The following FREM1 variants were observed in gnomAD, a reference collection of about 807,000 sequenced individuals.
FREM1 encodes the protein FRAS1 related extracellular matrix 1.
A neutral mutation model predicts 210.1 loss-of-function variants in FREM1; 220 were observed. That is an observed-to-expected ratio of 1.05 (90% CI 0.94 to 1.17). The LOEUF (loss-of-function observed/expected upper bound fraction) is 1.17, where lower values mean the gene tolerates loss of function less well. Among genes scored for constraint, FREM1 ranks in the 50% most tolerant of loss-of-function variants. The pLI, the probability that FREM1 is intolerant of heterozygous loss-of-function variation, is 0.00. For missense variants in FREM1, 3,454 were observed against 2,675.5 expected, an observed-to-expected ratio of 1.29 and a Z score of -6.42; for synonymous variants, 1,189 against 980.2, an observed-to-expected ratio of 1.21 and a Z score of -3.98.
intron 1 of FREM1, among the ~76,000 whole-genome samples, chr9:14,882,487 T>C (rs1004067024): frequency 5.3e-5 from 8 of 150,968 alleles, no homozygotes; most frequent in Middle Eastern, 3.4e-3. Context: ...TTGAGATGGA[T>C]TCTTGTTCTG....
rs370839950 is a variant in FREM1, at chr9:14,804,610, G to C, written c.3471+346C>G. On this transcript the variant is annotated intron_variant, in intron 19 of 36. Transcript: ENST00000380880. ...AAAAAACAAAAAACAAAAAAACCATGACTACTTCCAGAGAAGAGCAAGGGA... is the reference window on the plus strand; with the variant it reads ...AAAAAACAAAAAACAAAAAAACCATCACTACTTCCAGAGAAGAGCAAGGGA... Among the ~76,000 whole-genome samples the C allele has an allele frequency of 1.1e-4, 16 of 151,924 alleles. No homozygotes were observed. In the South Asian group the frequency reaches 3.3e-3, roughly 32 times the overall value.
chr9:14,857,730 C>G lies in FREM1; in HGVS notation c.651G>C (p.Lys217Asn), dbSNP rs367633927. The G allele has an allele frequency of 1.2e-6, 2 of 1,605,242 alleles. No homozygotes were observed. Among genetic ancestry groups the G allele is most frequent in the African/African-American group, 1.3e-5 (1 of 74,542 alleles). Residue 217 changes from lysine to asparagine, a missense_variant, in exon 5 of 37, where the codon AAG becomes AAC. Transcript: ENST00000380880. ...CTGGGGTACAGCTCCCACCTGGACA[C>G]TTCAGTTTTGCTCTCAGTTCTAGAA... ...FPESQLRAKL[K>N]CPGGSCTPGL...
At chr9:14,858,643 A>G (rs1389053483) in intron 4 of FREM1, among the ~76,000 whole-genome samples, 1 of 152,048 alleles carries the variant, frequency 6.6e-6, no homozygotes. Flanking sequence ...GGCTTCTCAT[A>G]GTTTCTAGAG....
intron 10 of FREM1, among the ~76,000 whole-genome samples, chr9:14,827,148 G>A (rs1035503043): frequency 7.4e-6 from 1 of 135,904 alleles, no homozygotes; most frequent in African/African-American, 2.7e-5. Flanking sequence ...CAATTCTGGT[G>A]AGGGCTCAGA....
rs7042277 is a variant in FREM1 at position 14,825,195 on chromosome 9, T to A, written c.1882-203A>T. On this transcript the variant is annotated intron_variant, in intron 10 of 36. Coordinates refer to ENST00000380880, the MANE Select transcript of FREM1 (RefSeq NM_001379081.2). ...CATTTAATATTATATTTTAAGAATA[T>A]TATTATCACAGGCCAGGTGCAGGGG... 4.3e-3 allele frequency among the ~76,000 whole-genome samples: 658 copies of A among 152,130 alleles called. 4 individuals are homozygous for A. The highest frequency in any genetic ancestry group is 0.015 in the African/African-American group (611 of 41,508).
Position 14,776,546 on chromosome 9 carries a change from T to A in FREM1, c.4443-343A>T, listed in dbSNP as rs530235607. 1.6e-4 allele frequency among the ~76,000 whole-genome samples: 25 copies of A among 152,350 alleles called. No homozygotes were observed. In the East Asian group the frequency reaches 4.6e-3, roughly 28 times the overall value. ...ATTTCACATCCAATGAGACTCATCATACAAATTTGAAGAGTATACCCCCTT... is the reference window on the plus strand; with the variant it reads ...ATTTCACATCCAATGAGACTCATCAAACAAATTTGAAGAGTATACCCCCTT... On this transcript the variant is annotated intron_variant, in intron 24 of 36. Transcript: ENST00000380880.
intron 1 of FREM1, among the ~76,000 whole-genome samples, chr9:14,874,378 T>C (rs568571547): frequency 0.03 from 4,504 of 150,760 alleles, 197 homozygotes; most frequent in African/African-American, 0.095. Flanking sequence ...ATATTTAGGA[T>C]AGTTAGCTCT....
At chr9:14,837,524 A>C (rs1824859077) in intron 10 of FREM1, among the ~76,000 whole-genome samples, 1 of 152,182 alleles carries the variant, frequency 6.6e-6, no homozygotes, top group Admixed American at 6.5e-5. Context: ...ATAAAAAAGC[A>C]TGCTGTACAT....
At chr9:14,770,111 A>G (rs1342122839) in intron 26 of FREM1, among the ~76,000 whole-genome samples, 2 of 152,196 alleles carry the variant, frequency 1.3e-5, no homozygotes, top group Non-Finnish European at 2.9e-5. Flanking sequence ...AGAGAAGGAG[A>G]GTAGAAAGAT....
At chr9:14,823,628 C>T (rs930084475) in intron 12 of FREM1, among the ~76,000 whole-genome samples, 9 of 149,416 alleles carry the variant, frequency 6.0e-5, no homozygotes, top group Non-Finnish European at 1.2e-4. Flanking sequence ...AGCTCATAGT[C>T]CTTTATGTCC....
intron 2 of FREM1, among the ~76,000 whole-genome samples, chr9:14,865,972 C>A (rs1193697557): frequency 1.3e-5 from 2 of 152,154 alleles, no homozygotes; most frequent in Non-Finnish European, 2.9e-5. Flanking sequence ...TTAATGAACT[C>A]CTTTACCACA....
At position 14,816,863 on chromosome 9, in the gene FREM1, T is replaced by A; in HGVS notation, c.2555A>T (p.His852Leu). 2 of 1,335,484 alleles carry A rather than the reference T, an allele frequency of 1.5e-6. No homozygotes were observed. Among genetic ancestry groups the A allele is most frequent in the Non-Finnish European group, 2.0e-6 (2 of 984,804 alleles). The allele number at this position is 1,335,484 out of a possible 1,614,324, so 82.7% of individuals were successfully genotyped here. A position where few individuals can be genotyped will look rare whatever the true frequency, so the allele number is the denominator to read the frequency against. Residue 852 changes from histidine (H) to leucine (L), a missense_variant, in exon 15 of 37, where the codon CAT becomes CTT. By Grantham distance (99) the His-to-Leu change is moderately conservative. Transcript: ENST00000380880. ...DLHTLKVRYQ[H>L]DGTEVLQDDL... ...ATCCTGAAGAACTTCAGTTCCATCA[T>A]GTTGATACCTGTGGGGATAATATTT...
chr9:14,861,088 C>CAT (rs749983672), intron 3 of FREM1, among the ~76,000 whole-genome samples: 2 of 85,918 alleles, frequency 2.3e-5, no homozygotes, highest in Non-Finnish European at 4.4e-5. Flanking sequence ...CATATATACA[C>CAT]ATATATATAA....
At chr9:14,863,550 A>G (rs1163681194) in intron 3 of FREM1, among the ~76,000 whole-genome samples, 3 of 152,144 alleles carry the variant, frequency 2.0e-5, no homozygotes, top group Non-Finnish European at 4.4e-5. Flanking sequence ...AGATACCTAT[A>G]TAAGGACACT....
chr9:14,776,706 C>A (rs568318829), intron 24 of FREM1, among the ~76,000 whole-genome samples: 2 of 152,116 alleles, frequency 1.3e-5, no homozygotes, highest in Non-Finnish European at 1.5e-5. Flanking sequence ...TCTACTCATA[C>A]GTTTTTATGG....
chr9:14,827,240 A>G (rs956252419), intron 10 of FREM1, among the ~76,000 whole-genome samples: 1 of 152,232 alleles, frequency 6.6e-6, no homozygotes, highest in Non-Finnish European at 1.5e-5. Context: ...GTAGACATAC[A>G]AACAGTAAAG....
intron 15 of FREM1, among the ~76,000 whole-genome samples, chr9:14,814,477 A>C (rs868819768): frequency 1.1e-4 from 17 of 152,306 alleles, no homozygotes; most frequent in African/African-American, 7.2e-5. Flanking sequence ...ACAGGCTAAA[A>C]CTCTAAAACA....
intron 3 of FREM1, among the ~76,000 whole-genome samples, chr9:14,863,251 G>C (rs1158352242): frequency 6.7e-6 from 1 of 148,960 alleles, no homozygotes; most frequent in African/African-American, 2.5e-5. Flanking sequence ...TGAGGCAGGA[G>C]AATAGCTTGA....
chr9:14,786,368 T>A (rs923270378), intron 23 of FREM1, among the ~76,000 whole-genome samples: 1 of 152,068 alleles, frequency 6.6e-6, no homozygotes, highest in South Asian at 2.1e-4. Flanking sequence ...GAAAAACACG[T>A]GATGTAAATG....
Sources: allele counts gnomAD v4.1 joint callset (sites outside exome capture counted in the v4.1 genomes callset), GRCh38; gene constraint gnomAD v4.1.1; transcripts MANE v1.5; gene names NCBI Gene and HGNC (gene_info 2026-07-23, HGNC 2026-07-21).